Variants in NRG3 observed in about 807,000 individuals in gnomAD.
NRG3 encodes pro-neuregulin-3, membrane-bound isoform.
NRG3 carries 31 observed loss-of-function variants against 66.9 expected under a neutral mutation model. The observed-to-expected ratio is 0.46, with a 90% confidence interval of 0.35 to 0.63. The LOEUF is 0.63. Among genes scored for constraint, NRG3 ranks in the 20% least tolerant of loss-of-function variants. The probability of loss-of-function intolerance (pLI) is 0.00; values close to 1 mark genes in which losing one functional copy is unlikely to be tolerated. For missense variants in NRG3, 910 were observed against 878.9 expected (o/e 1.04, Z -0.45); for synonymous variants, 393 against 359.4 (o/e 1.09, Z -1.06).
At chr10:82,321,879 G>A (rs2081598175) in intron 1 of NRG3, among the ~76,000 whole-genome samples, 1 of 152,046 alleles carries the variant, frequency 6.6e-6, no homozygotes, top group Admixed American at 6.6e-5. Flanking sequence ...ATTCTTGTTG[G>A]GCAGTCACTA....
chr10:82,413,657 C>A (rs548773436), intron 2 of NRG3, among the ~76,000 whole-genome samples: 1 of 152,264 alleles, frequency 6.6e-6, no homozygotes, highest in African/African-American at 2.4e-5. Flanking sequence ...CATTAAAAAG[C>A]TGTTTCATCC....
At chr10:82,468,505 C>T (rs1840912557) in intron 2 of NRG3, among the ~76,000 whole-genome samples, 1 of 152,112 alleles carries the variant, frequency 6.6e-6, no homozygotes, top group African/African-American at 2.4e-5. Context: ...CTGTCCTCAC[C>T]ACCATCTCCC....
At chr10:82,031,753 T>C (rs976070126) in intron 1 of NRG3, among the ~76,000 whole-genome samples, 6 of 152,104 alleles carry the variant, frequency 3.9e-5, no homozygotes, top group Non-Finnish European at 8.8e-5. Flanking sequence ...TGATCTTTAG[T>C]CCTTATTAAT....
chr10:82,897,780 A>C (rs1352748675), intron 4 of NRG3, among the ~76,000 whole-genome samples: 1 of 152,172 alleles, frequency 6.6e-6, no homozygotes, highest in Non-Finnish European at 1.5e-5. Flanking sequence ...TCAGCCTCCC[A>C]AAGTGCCGGG....
chr10:81,999,550 G>T (rs1422971680), intron 1 of NRG3, among the ~76,000 whole-genome samples: 1 of 152,114 alleles, frequency 6.6e-6, no homozygotes, highest in Non-Finnish European at 1.5e-5. Flanking sequence ...TGTAAAAAAT[G>T]TTCAAGTTTG....
Position 82,358,847 on chromosome 10 carries a change from C to T in NRG3, c.932C>T (p.Thr311Ile). 1 of 1,614,174 alleles carries T rather than the reference C, an allele frequency of 6.2e-7. No individual in the cohort carries two copies. Among genetic ancestry groups the T allele is most frequent in the Non-Finnish European group, 8.5e-7 (1 of 1,180,020 alleles). Residue 311 changes from threonine (T) to isoleucine (I), a missense_variant, in exon 2 of 9, where the codon ACC (threonine) becomes ATC (isoleucine). Thr to Ile is a moderately conservative substitution (Grantham distance 89). Coordinates refer to ENST00000372141, the MANE Select transcript of NRG3 (RefSeq NM_001010848.4). ...DGECFVIETLTGSHKHCRCKE... is the reference protein window; with the variant it reads ...DGECFVIETLIGSHKHCRCKE... ...GAGTGCTTTGTGATCGAAACCCTGA[C>T]CGGATCCCATAAACACTGTCGGTAA...
intron 1 of NRG3, among the ~76,000 whole-genome samples, chr10:81,887,296 T>C (rs979760367): frequency 6.6e-6 from 1 of 152,162 alleles, no homozygotes; most frequent in Admixed American, 6.6e-5. Context: ...GCCTTGACTT[T>C]ATAAGGGTAT....
intron 2 of NRG3, among the ~76,000 whole-genome samples, chr10:82,694,793 A>G (rs1322048475): frequency 1.3e-5 from 2 of 152,192 alleles, no homozygotes; most frequent in Non-Finnish European, 2.9e-5. Context: ...TTCTTGGAAT[A>G]AATTCATTTT....
At chr10:81,942,773 G>A (rs1848509386) in intron 1 of NRG3, among the ~76,000 whole-genome samples, 1 of 152,038 alleles carries the variant, frequency 6.6e-6, no homozygotes, top group Admixed American at 6.6e-5. Flanking sequence ...AACACATAAG[G>A]ACTACGAGGA....
chr10:82,607,584 A>G (rs1001496905), intron 2 of NRG3, among the ~76,000 whole-genome samples: 2 of 152,120 alleles, frequency 1.3e-5, no homozygotes, highest in Non-Finnish European at 2.9e-5. Context: ...AAATGATGAT[A>G]TAGTTGGATT....
At chr10:82,396,386 T>G (rs2086713859) in intron 2 of NRG3, among the ~76,000 whole-genome samples, 1 of 152,216 alleles carries the variant, frequency 6.6e-6, no homozygotes, top group Non-Finnish European at 1.5e-5. Context: ...TTCATTTACA[T>G]TTAATTCAAA....
intron 2 of NRG3, among the ~76,000 whole-genome samples, chr10:82,558,618 G>T (rs1481774971): frequency 6.6e-6 from 1 of 152,182 alleles, no homozygotes; most frequent in African/African-American, 2.4e-5. Flanking sequence ...TAAACTATCT[G>T]AAGTCTACCT....
At chr10:82,184,827 T>C (rs2073693896) in intron 1 of NRG3, among the ~76,000 whole-genome samples, 1 of 152,140 alleles carries the variant, frequency 6.6e-6, no homozygotes, top group African/African-American at 2.4e-5. Context: ...AAGACAGACA[T>C]TGACTTACTG....
intron 2 of NRG3, among the ~76,000 whole-genome samples, chr10:82,706,164 T>C (rs1468160269): frequency 6.6e-6 from 1 of 152,136 alleles, no homozygotes; most frequent in Non-Finnish European, 1.5e-5. Context: ...TCTTAGGGAT[T>C]TGTGACAATC....
chr10:82,579,165 A>AC (rs2133195559), intron 2 of NRG3, among the ~76,000 whole-genome samples: 1 of 151,688 alleles, frequency 6.6e-6, no homozygotes, highest in African/African-American at 2.4e-5. Context: ...AATCATCCTT[A>AC]AAAAAAACAG....
intron 1 of NRG3, among the ~76,000 whole-genome samples, chr10:82,211,945 G>C (rs968238056): frequency 1.3e-5 from 2 of 152,126 alleles, no homozygotes; most frequent in South Asian, 2.1e-4. Flanking sequence ...TGTCCCTTGG[G>C]TGACAAAGAT....
chr10:82,177,086 A>G (rs2073096162), intron 1 of NRG3, among the ~76,000 whole-genome samples: 1 of 152,014 alleles, frequency 6.6e-6, no homozygotes, highest in Admixed American at 6.6e-5. Flanking sequence ...CCGGGTTGTG[A>G]AGAGGATTAA....
intron 3 of NRG3, among the ~76,000 whole-genome samples, chr10:82,831,096 A>G (rs1339078844): frequency 6.6e-6 from 1 of 152,152 alleles, no homozygotes; most frequent in African/African-American, 2.4e-5. Context: ...CAGGAACATT[A>G]GAGGTTGCTA....
At chr10:82,070,897 C>CAGTACTGGATA (rs1564789323) in intron 1 of NRG3, among the ~76,000 whole-genome samples, 4 of 152,248 alleles carry the variant, frequency 2.6e-5, no homozygotes, top group Admixed American at 2.6e-4. Flanking sequence ...TGTCACAAGT[C>CAGTACTGGATA]AGTATAATGT....
Sources: allele counts gnomAD v4.1 joint callset (sites outside exome capture counted in the v4.1 genomes callset), GRCh38; gene constraint gnomAD v4.1.1; transcripts MANE v1.5; gene names NCBI Gene and HGNC (gene_info 2026-07-23, HGNC 2026-07-21).